STX8: variants seen among roughly 807,000 people sequenced by gnomAD.
The protein encoded by STX8 is syntaxin 8, also known as syntaxin-8.
A neutral mutation model predicts 37.5 loss-of-function variants in STX8; 23 were observed. The observed-to-expected ratio is 0.61, with a 90% confidence interval of 0.44 to 0.87. STX8 has a LOEUF of 0.87. Among genes scored for constraint, STX8 ranks in the 40% least tolerant of loss-of-function variants. STX8 has a pLI of 0.00. For missense variants in STX8, 313 were observed against 284.7 expected, an observed-to-expected ratio of 1.10 and a Z score of -0.71; for synonymous variants, 115 against 99.1, an observed-to-expected ratio of 1.16 and a Z score of -0.95.
At chr17:9,464,728 T>G (rs1296729729) in intron 6 of STX8, 5 of 151,254 alleles carry the variant, frequency 3.3e-5, no homozygotes, top group South Asian at 2.1e-4. Flanking sequence ...CATTGTTTTT[T>G]TTTTTTTTTT....
At chr17:9,372,315 G>A (rs1405331195) in intron 7 of STX8, among the ~76,000 whole-genome samples, 1 of 152,052 alleles carries the variant, frequency 6.6e-6, no homozygotes, top group East Asian at 1.9e-4. Context: ...TACTCTGAGG[G>A]TGTAGCTCTT....
chr17:9,427,364 G>A (rs572612056), intron 6 of STX8, among the ~76,000 whole-genome samples: 11 of 152,276 alleles, frequency 7.2e-5, no homozygotes, highest in Admixed American at 7.2e-4. Flanking sequence ...AGTGTGGCAG[G>A]CAGTCACCTG....
chr17:9,575,622 A>T (rs1907878196), intron 1 of STX8, among the ~76,000 whole-genome samples, 170 bp downstream of exon 1: 1 of 152,164 alleles, frequency 6.6e-6, no homozygotes, highest in African/African-American at 2.4e-5. Context: ...CCTTGCAAGG[A>T]CCAAGTGTGG....
At chr17:9,445,572 G>A (rs989354011) in intron 6 of STX8, among the ~76,000 whole-genome samples, 2 of 149,186 alleles carry the variant, frequency 1.3e-5, no homozygotes, top group South Asian at 2.1e-4. Flanking sequence ...CCACGCAAGC[G>A]GGGAAGGCAT....
intron 1 of STX8, among the ~76,000 whole-genome samples, chr17:9,571,599 CAAAA>C (rs66741519): frequency 2.5e-4 from 25 of 99,830 alleles, no homozygotes; most frequent in African/African-American, 3.6e-4. Context: ...GACTTTGTCT[CAAAA>C]AAAAAAAAAA....
intron 3 of STX8, among the ~76,000 whole-genome samples, chr17:9,547,771 T>C (rs541426162): frequency 2.2e-4 from 29 of 129,164 alleles, no homozygotes; most frequent in African/African-American, 8.5e-4. Context: ...TCTTTCCTTT[T>C]CTTTTCTTTT....
At chr17:9,258,914 A>C (rs1033183656) in intron 7 of STX8, among the ~76,000 whole-genome samples, 11 of 152,328 alleles carry the variant, frequency 7.2e-5, no homozygotes, top group African/African-American at 2.6e-4. Context: ...TCCTCCATGA[A>C]GACTGCTCAG....
intron 6 of STX8, among the ~76,000 whole-genome samples, chr17:9,446,129 C>T (rs182709339): frequency 3.9e-4 from 59 of 152,242 alleles, no homozygotes; most frequent in African/African-American, 7.2e-4. Context: ...AGCCACTGTG[C>T]GTGGCCTCCT....
At chr17:9,454,008 C>T (rs1230578215) in intron 6 of STX8, among the ~76,000 whole-genome samples, 1 of 151,932 alleles carries the variant, frequency 6.6e-6, no homozygotes, top group East Asian at 1.9e-4. Context: ...GCAAAGGAAG[C>T]GTTTATAAGA....
rs575403316 is a variant in STX8 at position 9,300,051 on chromosome 17, G to A, written c.644-49406C>T. On this transcript the variant is annotated intron_variant, in intron 7 of 7. Coordinates refer to ENST00000306357, the MANE Select transcript of STX8 (RefSeq NM_004853.3). Reference sequence around the variant, plus strand: ...CTGGGGTTGAAAATTCCCCAATTAGGCAGGGTGCGGTGGCTCATGCCTATA... The same window carrying A: ...CTGGGGTTGAAAATTCCCCAATTAGACAGGGTGCGGTGGCTCATGCCTATA... Among the ~76,000 whole-genome samples the A allele has an allele frequency of 2.0e-5, 3 of 152,158 alleles. No homozygotes were observed. In the South Asian group the frequency reaches 6.2e-4, roughly 32 times the overall value.
chr17:9,263,941 T>C lies in STX8; in HGVS notation c.644-13296A>G, dbSNP rs549844387. Among the ~76,000 whole-genome samples, 3 of 152,312 alleles carry C rather than the reference T, an allele frequency of 2.0e-5. No individual in the cohort carries two copies. The South Asian group carries it at 6.2e-4, about 32-fold the overall frequency. On this transcript the variant is annotated intron_variant, in intron 7 of 7. Coordinates refer to ENST00000306357, the MANE Select transcript of STX8 (RefSeq NM_004853.3). ...CTTTGTGACTACCTCACCAACAGAA[T>C]ATGGCAGAAGTGACACTCTGTGACT... is the stretch of plus-strand genomic sequence containing the variant.
At chr17:9,536,936 C>A (rs1336330904) in intron 4 of STX8, among the ~76,000 whole-genome samples, 1 of 151,996 alleles carries the variant, frequency 6.6e-6, no homozygotes, top group African/African-American at 2.4e-5. Flanking sequence ...TTAGTAGAGA[C>A]GGGGTTTCAC....
At chr17:9,445,192 T>C (rs185841050) in intron 6 of STX8, among the ~76,000 whole-genome samples, 95 of 152,234 alleles carry the variant, frequency 6.2e-4, no homozygotes, top group African/African-American at 2.0e-3. Flanking sequence ...CTTTGTGACT[T>C]TGAAGGCTGC....
At chr17:9,347,387 A>G (rs1910568549) in intron 7 of STX8, among the ~76,000 whole-genome samples, 1 of 152,220 alleles carries the variant, frequency 6.6e-6, no homozygotes, top group East Asian at 1.9e-4. Context: ...TATATATGGA[A>G]GCTTTTTTCC....
At chr17:9,380,254 G>GTTTTTTTT (rs34806016) in intron 6 of STX8, among the ~76,000 whole-genome samples, 1 of 89,440 alleles carries the variant, frequency 1.1e-5, no homozygotes, top group African/African-American at 4.8e-5. Flanking sequence ...ATTTCTGTGT[G>GTTTTTTTT]TTTTTTTTTT....
At chr17:9,345,602 T>C (rs977298802) in intron 7 of STX8, among the ~76,000 whole-genome samples, 15 of 152,164 alleles carry the variant, frequency 9.9e-5, no homozygotes, top group African/African-American at 3.6e-4. Flanking sequence ...AAAGAATATA[T>C]ATTTATGGGG....
At chr17:9,448,081 A>G (rs1904914285) in intron 6 of STX8, among the ~76,000 whole-genome samples, 1 of 151,548 alleles carries the variant, frequency 6.6e-6, no homozygotes, top group Non-Finnish European at 1.5e-5. Flanking sequence ...AGGCTGAGAC[A>G]GGAGAACTGT....
At chr17:9,352,454 T>G (rs1910737588) in intron 7 of STX8, among the ~76,000 whole-genome samples, 1 of 143,928 alleles carries the variant, frequency 6.9e-6, no homozygotes, top group Non-Finnish European at 1.5e-5. Context: ...CCTCTCCCCA[T>G]CCTTACTCCC....
intron 6 of STX8, among the ~76,000 whole-genome samples, chr17:9,403,709 C>G (rs151041153): frequency 2.0e-5 from 3 of 151,848 alleles, no homozygotes; most frequent in African/African-American, 7.3e-5. Context: ...TCCAGTGGCA[C>G]GATCTCGGCT....
Sources: allele counts gnomAD v4.1 joint callset (sites outside exome capture counted in the v4.1 genomes callset), GRCh38; gene constraint gnomAD v4.1.1; transcripts MANE v1.5; gene names NCBI Gene and HGNC (gene_info 2026-07-23, HGNC 2026-07-21).